ARHGAP24: variants seen among roughly 807,000 people sequenced by gnomAD.
The protein encoded by ARHGAP24 is rho GTPase-activating protein 24.
A neutral mutation model predicts 76.4 loss-of-function variants in ARHGAP24; 50 were observed. That is an observed-to-expected ratio of 0.65 (90% CI 0.52 to 0.83). The LOEUF (loss-of-function observed/expected upper bound fraction) is 0.83. Ranked by LOEUF, ARHGAP24 falls within the 40% of genes least tolerant of loss-of-function variation. The pLI is 0.00. For synonymous variants in ARHGAP24, 345 were observed against 323.3 expected (o/e 1.07, Z -0.72); for missense variants, 930 against 914.2 (o/e 1.02, Z -0.22).
chr4:85,922,036 C>T (rs1735749287), intron 3 of ARHGAP24, among the ~76,000 whole-genome samples: 1 of 152,088 alleles, frequency 6.6e-6, no homozygotes, highest in African/African-American at 2.4e-5. Context: ...ATCACTGTTT[C>T]CCTAGTAGTG....
chr4:85,807,377 G>A (rs779764759), intron 3 of ARHGAP24, among the ~76,000 whole-genome samples: 1 of 151,100 alleles, frequency 6.6e-6, no homozygotes, highest in Non-Finnish European at 1.5e-5. Context: ...TTCTGTTCTT[G>A]TGTTAGTTTG....
At chr4:85,665,495 G>C (rs1379037081) in intron 2 of ARHGAP24, among the ~76,000 whole-genome samples, 1 of 152,080 alleles carries the variant, frequency 6.6e-6, no homozygotes, top group Admixed American at 6.5e-5. Context: ...CTTTTAATTG[G>C]AGCATTTAGT....
intron 2 of ARHGAP24, among the ~76,000 whole-genome samples, chr4:85,672,735 A>T (rs1418118448): frequency 6.6e-6 from 1 of 152,168 alleles, no homozygotes; most frequent in Non-Finnish European, 1.5e-5. Flanking sequence ...GTCAATCAGG[A>T]TGAGGACTGG....
intron 2 of ARHGAP24, among the ~76,000 whole-genome samples, chr4:85,633,812 T>C (rs2110014280): frequency 6.6e-6 from 1 of 152,028 alleles, no homozygotes; most frequent in East Asian, 1.9e-4. Flanking sequence ...ATTTCTCCTC[T>C]CTAAAGTTAA....
At chr4:85,646,231 G>C (rs1721716962) in intron 2 of ARHGAP24, among the ~76,000 whole-genome samples, 1 of 151,692 alleles carries the variant, frequency 6.6e-6, no homozygotes. Flanking sequence ...TAGTAATTTA[G>C]TCATCTCTAA....
Position 85,889,668 on chromosome 4 carries a change from A to C in ARHGAP24, c.269-33980A>C, listed in dbSNP as rs1415437304. 2.6e-5 allele frequency among the ~76,000 whole-genome samples: 4 copies of C among 152,234 alleles called. No homozygotes were observed. In the East Asian group the frequency reaches 7.7e-4, roughly 29 times the overall value. On this transcript the variant is annotated intron_variant, in intron 3 of 9. Transcript: ENST00000395184. ...TACAGAGCAAAATGGATGGAATGCCAGGGGAGAACTCCAACTATCTCACTG... is the reference window on the plus strand; with the variant it reads ...TACAGAGCAAAATGGATGGAATGCCCGGGGAGAACTCCAACTATCTCACTG...
chr4:85,982,262 T>C (rs945438082), intron 8 of ARHGAP24, among the ~76,000 whole-genome samples: 2 of 152,002 alleles, frequency 1.3e-5, no homozygotes, highest in African/African-American at 4.8e-5. Flanking sequence ...AATTGCATAG[T>C]GTCCCCCTGC....
chr4:85,524,738 T>C (rs1010790896), intron 1 of ARHGAP24, among the ~76,000 whole-genome samples: 1 of 152,216 alleles, frequency 6.6e-6, no homozygotes, highest in Non-Finnish European at 1.5e-5. Context: ...ATGGGATCAA[T>C]TTCATCTCCC....
rs146156037 is a variant in ARHGAP24 at position 85,992,827 on chromosome 4, T to A, written c.929-1756T>A. 8.9e-4 allele frequency among the ~76,000 whole-genome samples: 135 copies of A among 152,308 alleles called. 2 individuals carry two copies. Among genetic ancestry groups the A allele is most frequent in the African/African-American group, 2.9e-3 (122 of 41,572 alleles). On this transcript the variant is annotated intron_variant, in intron 8 of 9. Coordinates refer to ENST00000395184, the MANE Select transcript of ARHGAP24 (RefSeq NM_001025616.3). ...ATTACATTGTCTTTTTTCACAATTC[T>A]GTAATAATTGATGGTAATTCAATAG...
In ARHGAP24 at chr4:85,972,175, T is replaced by G. The variant is rs764397086; in HGVS notation, c.732+7T>G. On this transcript the variant is annotated splice_region_variant and intron_variant, in intron 6 of 9. Transcript: ENST00000395184. ...CAGCAAGGAAGAGGAAGCAGTAAGTTGATGCATTTATTTCCAAATAAGCTT... is the reference window on the plus strand; with the variant it reads ...CAGCAAGGAAGAGGAAGCAGTAAGTGGATGCATTTATTTCCAAATAAGCTT... 1.2e-6 allele frequency: 2 copies of G among 1,613,372 alleles called. No individual in the cohort carries two copies. Among genetic ancestry groups the G allele is most frequent in the Non-Finnish European group, 1.7e-6 (2 of 1,179,944 alleles).
chr4:85,721,972 G>A lies in ARHGAP24; in HGVS notation c.268G>A (p.Gly90Arg). ...PGKFLFEVVPGGDRDRMTANH... is the reference protein window; with the variant it reads ...PGKFLFEVVPRGDRDRMTANH... Reference sequence around the variant, plus strand: ...GAAGTTCCTTTTTGAAGTAGTTCCAGGTAAGATATTTTCCTAGTCTGATTA... The same window carrying A: ...GAAGTTCCTTTTTGAAGTAGTTCCAAGTAAGATATTTTCCTAGTCTGATTA... The change falls in exon 3 of 10, where the codon GGA (glycine) becomes AGA (arginine). Residue 90 changes from glycine (G) to arginine (R), a missense_variant and splice_region_variant. Physicochemically the swap from Gly to Arg is moderately radical, Grantham distance 125. Transcript: ENST00000395184. The A allele has an allele frequency of 6.2e-7, 1 of 1,611,930 alleles. No homozygotes were observed. Among genetic ancestry groups the A allele is most frequent in the Non-Finnish European group, 8.5e-7 (1 of 1,178,288 alleles).
At chr4:85,926,027 C>G (rs1578395773) in intron 4 of ARHGAP24, among the ~76,000 whole-genome samples, 1 of 149,338 alleles carries the variant, frequency 6.7e-6, no homozygotes, top group African/African-American at 2.5e-5. Context: ...CCTTTCTCCT[C>G]TTCCATCTGT....
chr4:85,935,275 A>C (rs1288391419), intron 4 of ARHGAP24, among the ~76,000 whole-genome samples: 2 of 152,210 alleles, frequency 1.3e-5, no homozygotes, highest in African/African-American at 4.8e-5. Flanking sequence ...TGAGAAGGTA[A>C]ACAAACAGGT....
chr4:85,898,952 C>A (rs1390146621), intron 3 of ARHGAP24, among the ~76,000 whole-genome samples: 1 of 152,042 alleles, frequency 6.6e-6, no homozygotes, highest in African/African-American at 2.4e-5. Flanking sequence ...CCATGTTGGC[C>A]GGGCTAGTCT....
chr4:85,648,201 G>A (rs1342222578), intron 2 of ARHGAP24, among the ~76,000 whole-genome samples: 1 of 152,078 alleles, frequency 6.6e-6, no homozygotes, highest in Non-Finnish European at 1.5e-5. Flanking sequence ...CCAGATCGGA[G>A]GGGGAGCTAG....
intron 3 of ARHGAP24, among the ~76,000 whole-genome samples, chr4:85,798,643 A>C (rs909415827): frequency 6.6e-6 from 1 of 152,188 alleles, no homozygotes; most frequent in Non-Finnish European, 1.5e-5. Context: ...ATAGTTTCCA[A>C]AGATGTTATC....
chr4:85,762,671 G>A (rs1726775634), intron 3 of ARHGAP24, among the ~76,000 whole-genome samples: 1 of 152,144 alleles, frequency 6.6e-6, no homozygotes, highest in Non-Finnish European at 1.5e-5. Flanking sequence ...ATGAGTGAAT[G>A]AGCTGGGATT....
chr4:85,660,793 T>TAAAAAAAAAAA (rs1382915617), intron 2 of ARHGAP24, among the ~76,000 whole-genome samples: 2 of 1,720 alleles, frequency 1.2e-3, no homozygotes, highest in Admixed American at 4.8e-3. Context: ...AGACTCCGTC[T>TAAAAAAAAAAA]CAAAAAAAAA....
intron 5 of ARHGAP24, among the ~76,000 whole-genome samples, chr4:85,945,759 C>CAAAA (rs35877734): frequency 1.6e-5 from 1 of 62,482 alleles, no homozygotes. Context: ...GACTCAGCCT[C>CAAAA]AAAAAAAAAA....
Sources: gnomAD v4.1 joint callset for allele counts (sites outside exome capture counted in the v4.1 genomes callset) on GRCh38, gnomAD v4.1.1 for gene constraint, MANE v1.5 for transcripts, NCBI Gene and HGNC (gene_info 2026-07-23, HGNC 2026-07-21) for gene names.